The following TF variants were observed in gnomAD, a reference collection of about 807,000 sequenced individuals.
TF encodes the protein serotransferrin.
A neutral mutation model predicts 82.4 loss-of-function variants in TF; 55 were observed. The observed-to-expected ratio is 0.67, with a 90% CI of 0.54 to 0.84. TF has a LOEUF of 0.84. Ranked by LOEUF, TF falls within the 40% of genes least tolerant of loss-of-function variation. TF has a pLI of 0.00. For synonymous variants in TF, 332 were observed against 332.6 expected (o/e 1.00, Z 0.02); for missense variants, 737 against 868.4 (o/e 0.85, Z 1.90).
upstream of TF, among the ~76,000 whole-genome samples, chr3:133,745,274 T>C (rs1933468483): frequency 6.6e-6 from 1 of 152,224 alleles, no homozygotes; most frequent in Non-Finnish European, 1.5e-5. Flanking sequence ...TCTGGTCAGG[T>C]TGGATAAGAA....
the TF span, among the ~76,000 whole-genome samples, chr3:133,725,336 T>C: frequency 6.6e-6 from 1 of 152,124 alleles, no homozygotes. Flanking sequence ...TTTCATTGAG[T>C]AGTGGTTTGT....
chr3:133,752,119 G>T (rs1263062668), intron 2 of TF, among the ~76,000 whole-genome samples: 2 of 138,936 alleles, frequency 1.4e-5, no homozygotes, highest in African/African-American at 5.4e-5. Context: ...TTTTTTGAGA[G>T]TCTTGCTCTG....
At chr3:133,663,401 C>A in the TF span, among the ~76,000 whole-genome samples, 1 of 133,316 alleles carries the variant, frequency 7.5e-6, no homozygotes. Flanking sequence ...TCAATTAACA[C>A]TGGGGCTCAA....
In TF at chr3:133,787,211, G is replaced by C. The variant is rs1934709390; in HGVS notation, c.*8591G>C. ...TAAGAAGTTGCCAGTGTATGACAAA[G>C]TATCTAGTAAAATTAGCACATTTTG... is the stretch of plus-strand genomic sequence containing the variant. On this transcript the variant is annotated 3_prime_UTR_variant, in exon 17 of 17. Transcript: ENST00000402696. 1 of 152,186 alleles carries C rather than the reference G, an allele frequency of 6.6e-6. No homozygotes were observed. Among genetic ancestry groups the C allele is most frequent in the Non-Finnish European group, 1.5e-5 (1 of 68,024 alleles). The allele number at this position is 152,186 out of a possible 1,614,324, so 9.4% of individuals were successfully genotyped here.
At chr3:133,695,587 G>A in the TF span, among the ~76,000 whole-genome samples, 1 of 152,114 alleles carries the variant, frequency 6.6e-6, no homozygotes, top group African/African-American at 2.4e-5. Context: ...TTTGTTATAA[G>A]ACCCAGAATC....
the TF span, among the ~76,000 whole-genome samples, chr3:133,723,625 CTGTT>C: frequency 2.3e-3 from 291 of 124,444 alleles, 1 homozygote; most frequent in Middle Eastern, 8.9e-3. Flanking sequence ...TTCACAATAT[CTGTT>C]TGGTTCTTTT....
chr3:133,751,900 A>G (rs1353364977), intron 2 of TF, among the ~76,000 whole-genome samples: 1 of 152,068 alleles, frequency 6.6e-6, no homozygotes, highest in Non-Finnish European at 1.5e-5. Flanking sequence ...AGGCAGAGGC[A>G]GGAGAATCGT....
the TF span, among the ~76,000 whole-genome samples, chr3:133,710,947 G>T: frequency 6.6e-6 from 1 of 152,128 alleles, no homozygotes. Context: ...GAAGGATTCT[G>T]GTCAAGCCAC....
intron 12 of TF, 32 bp downstream of exon 12, chr3:133,766,465 G>A (rs1424338023): frequency 6.2e-7 from 1 of 1,613,910 alleles, no homozygotes. Flanking sequence ...GGGCTGGTGA[G>A]GGCCATGCCA....
At chr3:133,761,808 G>A (rs8177262) in intron 9 of TF, 47,724 of 152,940 alleles carry the variant, frequency 0.31, 7,877 homozygotes, top group East Asian at 0.43. Context: ...CACGCAGCAA[G>A]TTCATGAATA....
chr3:133,712,659 AGAT>A, the TF span: 17 of 156,950 alleles, frequency 1.1e-4, no homozygotes, highest in Non-Finnish European at 2.1e-4. Context: ...CCTTTCTCGC[AGAT>A]GATTTCTTCA....
the TF span, among the ~76,000 whole-genome samples, chr3:133,703,516 G>A: frequency 6.6e-6 from 1 of 152,206 alleles, no homozygotes; most frequent in African/African-American, 2.4e-5. Context: ...ATTGAAGTTT[G>A]TGAGGAATAT....
At chr3:133,730,285 A>G in the TF span, among the ~76,000 whole-genome samples, 1 of 152,184 alleles carries the variant, frequency 6.6e-6, no homozygotes, top group African/African-American at 2.4e-5. Flanking sequence ...TCCTTCTGGA[A>G]ATGGCATTTT....
the TF span, among the ~76,000 whole-genome samples, chr3:133,723,826 C>A: frequency 6.6e-6 from 1 of 151,686 alleles, no homozygotes; most frequent in East Asian, 1.9e-4. Flanking sequence ...CCACCACAGT[C>A]CCCAGAGTAT....
chr3:133,696,010 C>G, the TF span, among the ~76,000 whole-genome samples: 2 of 152,170 alleles, frequency 1.3e-5, no homozygotes, highest in Non-Finnish European at 2.9e-5. Context: ...ATTGCTTATT[C>G]CTGGCACTTC....
chr3:133,684,000 A>T, the TF span, among the ~76,000 whole-genome samples: 1 of 152,184 alleles, frequency 6.6e-6, no homozygotes. Flanking sequence ...ATAACAAACT[A>T]TCTCTCAGAC....
chr3:133,741,428 A>G (rs1440779626), upstream of TF, among the ~76,000 whole-genome samples: 1 of 152,168 alleles, frequency 6.6e-6, no homozygotes, highest in Non-Finnish European at 1.5e-5. Flanking sequence ...TTGCCTGACT[A>G]AACTAGCAAG....
chr3:133,724,995 G>C, the TF span, among the ~76,000 whole-genome samples: 1 of 152,258 alleles, frequency 6.6e-6, no homozygotes, highest in South Asian at 2.1e-4. Context: ...TGAGGGCTCT[G>C]TTCTGTTCCA....
chr3:133,697,908 G>A, the TF span, among the ~76,000 whole-genome samples: 2 of 152,224 alleles, frequency 1.3e-5, no homozygotes, highest in African/African-American at 4.8e-5. Flanking sequence ...TAGGGATATA[G>A]GGTAATCAAG....
Sources: gnomAD v4.1 joint callset for allele counts (sites outside exome capture counted in the v4.1 genomes callset) on GRCh38, gnomAD v4.1.1 for gene constraint, MANE v1.5 for transcripts, NCBI Gene and HGNC (gene_info 2026-07-23, HGNC 2026-07-21) for gene names.